Variants in HIVEP3 observed in about 807,000 individuals in gnomAD.
HIVEP3 encodes HIVEP zinc finger 3.
HIVEP3 carries 49 observed loss-of-function variants against 152.8 expected under a neutral mutation model. The ratio of observed to expected loss-of-function variants is 0.32; its 90% confidence interval spans 0.26 to 0.41. The LOEUF (loss-of-function observed/expected upper bound fraction) is 0.41. HIVEP3 is among the 10% of genes least tolerant of loss of function. The pLI is 1.00. For synonymous variants in HIVEP3, 1,269 were observed against 1,289.0 expected, an observed-to-expected ratio of 0.98 and a Z score of 0.33; for missense variants, 2,790 against 3,103.3, an observed-to-expected ratio of 0.90 and a Z score of 2.40.
chr1:41,840,715 C>T lies in HIVEP3; in HGVS notation c.-801+77698G>A, dbSNP rs548057927. Among the ~76,000 whole-genome samples, 14 of 152,290 alleles carry T rather than the reference C, an allele frequency of 9.2e-5. No homozygotes were observed. In the East Asian group the frequency reaches 2.1e-3, roughly 23 times the overall value. ...ATTAACCCCTGGCCAGTGACACCCA[C>T]GGAGCCCATCAGATCCTGGCCGTGC... On this transcript the variant is annotated intron_variant, in intron 1 of 8. Transcript: ENST00000372583.
At chr1:41,732,901 A>T (rs1266975322) in intron 1 of HIVEP3, among the ~76,000 whole-genome samples, 1 of 152,138 alleles carries the variant, frequency 6.6e-6, no homozygotes, top group Non-Finnish European at 1.5e-5. Context: ...CATGGGAGGC[A>T]GGAGCATCCC....
intron 3 of HIVEP3, among the ~76,000 whole-genome samples, chr1:41,588,051 C>T (rs752107809): frequency 9.2e-5 from 14 of 152,186 alleles, no homozygotes; most frequent in Non-Finnish European, 1.5e-4. Context: ...TCGGGGAACT[C>T]GTCCTGGCAG....
chr1:41,548,676 C>A (rs1643863092), intron 5 of HIVEP3, among the ~76,000 whole-genome samples: 1 of 152,004 alleles, frequency 6.6e-6, no homozygotes. Flanking sequence ...GCTGGTATTA[C>A]AGGTGTGTGC....
At chr1:41,866,187 C>A (rs987307861) in intron 1 of HIVEP3, among the ~76,000 whole-genome samples, 1 of 152,226 alleles carries the variant, frequency 6.6e-6, no homozygotes, top group Non-Finnish European at 1.5e-5. Context: ...TGCCTTGGGA[C>A]TGAGAGATGG....
chr1:41,804,052 T>C (rs1650459871), intron 1 of HIVEP3, among the ~76,000 whole-genome samples: 1 of 152,232 alleles, frequency 6.6e-6, no homozygotes, highest in South Asian at 2.1e-4. Context: ...TATTATTTCT[T>C]TATTAAATTT....
At chr1:41,746,135 GGTT>G (rs1647067851) in intron 1 of HIVEP3, among the ~76,000 whole-genome samples, 2 of 152,022 alleles carry the variant, frequency 1.3e-5, no homozygotes. Flanking sequence ...CTGCCCCCAT[GGTT>G]TCCCTCTGTG....
rs774190334 is a variant in HIVEP3 at position 41,605,605 on chromosome 1, A to AAT, written c.-521-20288_-521-20287insAT. On this transcript the variant is annotated intron_variant, in intron 3 of 8. Transcript: ENST00000372583. ...GATGCCATGATAGAAACAGGTTCCC[A>AAT]GTACAGGTTGGGAGAGGCTGACTCC... Among the ~76,000 whole-genome samples, 152 of 152,264 alleles carry AAT rather than the reference A, an allele frequency of 1.0e-3. No homozygotes were observed. The Middle Eastern group carries it at 0.01, about 10-fold the overall frequency.
chr1:41,851,447 C>T (rs1292846317), intron 1 of HIVEP3, among the ~76,000 whole-genome samples: 1 of 151,926 alleles, frequency 6.6e-6, no homozygotes, highest in Non-Finnish European at 1.5e-5. Flanking sequence ...GGTCTACAGG[C>T]ACGTGCCACC....
chr1:41,781,764 T>A (rs1335751824), intron 1 of HIVEP3, among the ~76,000 whole-genome samples: 1 of 152,242 alleles, frequency 6.6e-6, no homozygotes, highest in Non-Finnish European at 1.5e-5. Context: ...ACTTGCAGGC[T>A]TGGAAGAAAC....
intron 2 of HIVEP3, among the ~76,000 whole-genome samples, chr1:41,696,552 C>T (rs1156262786): frequency 6.6e-6 from 1 of 152,238 alleles, no homozygotes; most frequent in East Asian, 1.9e-4. Context: ...TGTGCACCCG[C>T]CAGACACACT....
intron 1 of HIVEP3, among the ~76,000 whole-genome samples, chr1:41,701,980 T>C (rs1646369952): frequency 6.6e-6 from 1 of 152,170 alleles, no homozygotes; most frequent in Non-Finnish European, 1.5e-5. Flanking sequence ...TGAGGTACAC[T>C]TAAGCTTAAG....
chr1:41,575,608 G>A lies in HIVEP3; in HGVS notation c.5143C>T (p.Pro1715Ser). Residue 1715 changes from proline to serine, a missense_variant, in exon 5 of 9, where the codon CCG (proline) becomes TCG (serine). Pro to Ser is a moderately conservative substitution (Grantham distance 74). Around this residue, in one of 9 missense-constraint regions of HIVEP3, gnomAD observed 1,078 missense variants for 1,165.3 expected, o/e 0.93. Coordinates refer to ENST00000372583, the MANE Select transcript of HIVEP3 (RefSeq NM_024503.5). ...TGGGAGGCAGGAGCATCCTCCTCCG[G>A]CTCCCCTCTCCTCTCTTCTTCCTTC... ...VEKEEERRGEPEEDAPASQRG... is the reference protein window; with the variant it reads ...VEKEEERRGESEEDAPASQRG... 2 of 1,613,952 alleles carry A rather than the reference G, an allele frequency of 1.2e-6. No homozygotes were observed. Among genetic ancestry groups the A allele is most frequent in the Non-Finnish European group, 1.7e-6 (2 of 1,179,906 alleles).
rs1312527050 is a variant in HIVEP3 at position 41,584,807 on chromosome 1, A to G, written c.-10T>C. 4.7e-6 allele frequency: 7 copies of G among 1,501,670 alleles called. No individual in the cohort carries two copies. Among genetic ancestry groups the G allele is most frequent in the African/African-American group, 1.4e-5 (1 of 71,344 alleles). The allele number at this position is 1,501,670 out of a possible 1,614,324, so 93.0% of individuals were successfully genotyped here. On this transcript the variant is annotated 5_prime_UTR_variant, in exon 4 of 9. Coordinates refer to ENST00000372583, the MANE Select transcript of HIVEP3 (RefSeq NM_024503.5). The surrounding 1 kb of genome is among the most constrained non-coding windows in gnomAD (Gnocchi z 5.2). Reference sequence around the variant, plus strand: ...TTTGTTCAGGATCCATGACCTTCACAAAGACTTCAGATGCTATTCAGGGAG... The same window carrying G: ...TTTGTTCAGGATCCATGACCTTCACGAAGACTTCAGATGCTATTCAGGGAG...
chr1:41,928,087 T>C (rs955187147), intron 1 of HIVEP3, among the ~76,000 whole-genome samples: 5 of 148,316 alleles, frequency 3.4e-5, no homozygotes, highest in Non-Finnish European at 7.4e-5. Context: ...AAAAGGCTTG[T>C]AAAAGCATGT....
At chr1:41,822,403 T>C (rs1314648996) in intron 1 of HIVEP3, among the ~76,000 whole-genome samples, 3 of 152,164 alleles carry the variant, frequency 2.0e-5, no homozygotes, top group Non-Finnish European at 4.4e-5. Flanking sequence ...TGCTTCTGGA[T>C]GGAGGAGCAG....
intron 1 of HIVEP3, among the ~76,000 whole-genome samples, chr1:41,966,968 T>G (rs1016815803): frequency 6.6e-6 from 1 of 152,150 alleles, no homozygotes; most frequent in Non-Finnish European, 1.5e-5. Flanking sequence ...CATTACATAA[T>G]GGAAAAGGGT....
At chr1:41,653,069 G>A (rs1645576017) in intron 2 of HIVEP3, among the ~76,000 whole-genome samples, 1 of 152,096 alleles carries the variant, frequency 6.6e-6, no homozygotes, top group Non-Finnish European at 1.5e-5. Context: ...CTGACATGCT[G>A]AAACTAACAT....
intron 3 of HIVEP3, among the ~76,000 whole-genome samples, chr1:41,625,113 A>AG (rs1645097852): frequency 7.1e-6 from 1 of 139,896 alleles, no homozygotes; most frequent in African/African-American, 2.7e-5. Context: ...CAGTGAGCCA[A>AG]GATCATGCCA....
intron 1 of HIVEP3, among the ~76,000 whole-genome samples, chr1:41,722,123 G>T (rs968930887): frequency 2.6e-5 from 4 of 152,106 alleles, no homozygotes; most frequent in Non-Finnish European, 4.4e-5. Context: ...ACCCTAGTAG[G>T]GTCTTCTTCC....
Sources: gnomAD v4.1 joint callset for allele counts (sites outside exome capture counted in the v4.1 genomes callset) on GRCh38, gnomAD v4.1.1 for gene constraint, gnomAD v4.1.1 regional missense constraint, Gnocchi (gnomAD v3.1) non-coding constraint, MANE v1.5 for transcripts, NCBI Gene and HGNC (gene_info 2026-07-23, HGNC 2026-07-21) for gene names.